Variants in VDR observed in about 807,000 individuals in gnomAD.
VDR encodes the protein vitamin D receptor.
VDR carries 19 observed loss-of-function variants against 39.7 expected under a neutral mutation model. That is an observed-to-expected ratio of 0.48 (90% CI 0.33 to 0.70). The LOEUF is 0.70. Ranked by LOEUF, VDR falls within the 30% of genes least tolerant of loss-of-function variation. The pLI, the probability that VDR is intolerant of heterozygous loss-of-function variation, is 0.02. For missense variants in VDR, 442 were observed against 570.5 expected (o/e 0.77, Z 2.29); for synonymous variants, 242 against 215.8 (o/e 1.12, Z -1.07).
Position 47,904,809 on chromosome 12 carries a change from G to C in VDR, c.-84+146C>G, listed in dbSNP as rs950554524. On this transcript the variant is annotated intron_variant, in intron 1 of 9. Coordinates refer to ENST00000549336, the MANE Select transcript of VDR (RefSeq NM_000376.3). ...CCTTAGTGTCCCAGCCTCATGGCAC[G>C]ACAGCCCGGACCTCAGTAGCCAAGT... The C allele has an allele frequency of 3.6e-4, 201 of 556,296 alleles. No homozygotes were observed. In the Middle Eastern group the frequency reaches 3.8e-3, roughly 11 times the overall value. The allele number at this position is 556,296 out of a possible 1,614,324, so 34.5% of individuals were successfully genotyped here.
chr12:47,887,968 AG>A (rs1208499709), intron 1 of VDR, among the ~76,000 whole-genome samples: 1 of 152,228 alleles, frequency 6.6e-6, no homozygotes, highest in Non-Finnish European at 1.5e-5. Flanking sequence ...CACCCCCTGC[AG>A]TATCAGGGTG....
chr12:47,878,430 C>G (rs1328830807), intron 3 of VDR, among the ~76,000 whole-genome samples: 1 of 152,190 alleles, frequency 6.6e-6, no homozygotes, highest in African/African-American at 2.4e-5. Context: ...ACATTCCTGA[C>G]ACTGCCTGGA....
At chr12:47,864,793 G>A (rs1354860184) in intron 4 of VDR, among the ~76,000 whole-genome samples, 1 of 152,212 alleles carries the variant, frequency 6.6e-6, no homozygotes, top group Non-Finnish European at 1.5e-5. Context: ...CCCCACTCTG[G>A]AGGGACCCTT....
chr12:47,860,023 C>T (rs1945594956), intron 4 of VDR, among the ~76,000 whole-genome samples: 1 of 150,962 alleles, frequency 6.6e-6, no homozygotes, highest in Non-Finnish European at 1.5e-5. Flanking sequence ...AGTGCAGTGG[C>T]ACCACCTCGG....
intron 3 of VDR, among the ~76,000 whole-genome samples, chr12:47,872,996 A>G (rs1159472982): frequency 6.6e-6 from 1 of 152,226 alleles, no homozygotes; most frequent in Non-Finnish European, 1.5e-5. Flanking sequence ...CAAGTCTGAA[A>G]GCTGGAATTA....
intron 1 of VDR, among the ~76,000 whole-genome samples, chr12:47,893,058 G>T (rs906661096): frequency 6.6e-6 from 1 of 152,190 alleles, no homozygotes. Context: ...AGGAAGAGAC[G>T]TAATAACTGG....
At position 47,841,990 on chromosome 12, in the gene VDR, T is replaced by C. The variant is rs1020612141; in HGVS notation, c.*2756A>G. 6.6e-6 allele frequency: 1 copy of C among 152,416 alleles called. No homozygotes were observed. The highest frequency in any genetic ancestry group is 2.4e-5 in the African/African-American group (1 of 41,472). The allele number at this position is 152,416 out of a possible 1,614,324, so 9.4% of individuals were successfully genotyped here. A position where few individuals can be genotyped will look rare whatever the true frequency, so the allele number is the denominator to read the frequency against. ...CCGTTCAGCCCCATAAAAACTCATT[T>C]TCCCCTCTTTTCTTTTCCTCCCAGC... is the stretch of plus-strand genomic sequence containing the variant. On this transcript the variant is annotated 3_prime_UTR_variant, in exon 10 of 10. Coordinates refer to ENST00000549336, the MANE Select transcript of VDR (RefSeq NM_000376.3).
At chr12:47,884,115 C>A (rs1946211603) in intron 1 of VDR, among the ~76,000 whole-genome samples, 1 of 152,130 alleles carries the variant, frequency 6.6e-6, no homozygotes, top group South Asian at 2.1e-4. Context: ...ATTCCTCAGG[C>A]TCCTTTCCTG....
chr12:47,869,341 T>C (rs1040685189), intron 3 of VDR, among the ~76,000 whole-genome samples: 17 of 150,958 alleles, frequency 1.1e-4, no homozygotes, highest in Non-Finnish European at 1.6e-4. Context: ...TCGAGACCAT[T>C]GTGGCTAACA....
intron 3 of VDR, 113 bp downstream of exon 3, chr12:47,878,855 T>C: frequency 2.6e-6 from 4 of 1,560,578 alleles, no homozygotes; most frequent in Non-Finnish European, 3.5e-6. Context: ...CGCCGCATGT[T>C]CCATGGACAT....
intron 6 of VDR, among the ~76,000 whole-genome samples, chr12:47,856,072 A>G (rs1239989748): frequency 1.3e-5 from 2 of 152,264 alleles, no homozygotes; most frequent in Non-Finnish European, 2.9e-5. Flanking sequence ...ATGGATCTCA[A>G]TCAAGAAAGA....
chr12:47,859,432 C>T (rs893165072), intron 4 of VDR, among the ~76,000 whole-genome samples: 3 of 152,224 alleles, frequency 2.0e-5, no homozygotes, highest in African/African-American at 7.2e-5. Flanking sequence ...GGCATTGCTG[C>T]TGGCCTGGGA....
At chr12:47,860,568 C>T (rs916921111) in intron 4 of VDR, among the ~76,000 whole-genome samples, 13 of 152,200 alleles carry the variant, frequency 8.5e-5, no homozygotes, top group Admixed American at 4.6e-4. Context: ...ACACTTTTAA[C>T]GTCATATAAC....
At chr12:47,887,069 C>T (rs997283977) in intron 1 of VDR, among the ~76,000 whole-genome samples, 5 of 151,890 alleles carry the variant, frequency 3.3e-5, no homozygotes, top group African/African-American at 9.7e-5. Flanking sequence ...CCCAGCACTT[C>T]GGGAGGCCAA....
chr12:47,874,744 C>G (rs548999798), intron 3 of VDR, among the ~76,000 whole-genome samples: 2 of 152,332 alleles, frequency 1.3e-5, no homozygotes, highest in Non-Finnish European at 2.9e-5. Context: ...TCATTCTCTT[C>G]ATCAAAGGGG....
chr12:47,878,210 T>TTCTC (rs146997322), intron 3 of VDR, among the ~76,000 whole-genome samples: 17 of 151,692 alleles, frequency 1.1e-4, no homozygotes, highest in Non-Finnish European at 5.9e-5. Flanking sequence ...TTTCAGGCTA[T>TTCTC]TCTCTCTCTC....
At chr12:47,869,478 G>C (rs558071072) in intron 3 of VDR, among the ~76,000 whole-genome samples, 25 of 141,258 alleles carry the variant, frequency 1.8e-4, no homozygotes, top group Non-Finnish European at 3.3e-4. Context: ...GGAGCTTGCA[G>C]TGAGCTGAGA....
chr12:47,858,209 CTT>C (rs1434465252), intron 4 of VDR, among the ~76,000 whole-genome samples: 1 of 152,194 alleles, frequency 6.6e-6, no homozygotes, highest in African/African-American at 2.4e-5. Flanking sequence ...GTTCTCTTCT[CTT>C]CCCTACCCTG....
rs1945194583 is a variant in VDR, at chr12:47,842,654, TA to T, written c.*2091del. 1 of 136,866 alleles carries T rather than the reference TA, an allele frequency of 7.3e-6. No individual in the cohort carries two copies. The highest frequency in any genetic ancestry group is 1.6e-5 in the Non-Finnish European group (1 of 64,038). The allele number at this position is 136,866 out of a possible 1,614,324, so 8.5% of individuals were successfully genotyped here. A position where few individuals can be genotyped will look rare whatever the true frequency, so the allele number is the denominator to read the frequency against. On this transcript the variant is annotated 3_prime_UTR_variant, in exon 10 of 10. Coordinates refer to ENST00000549336, the MANE Select transcript of VDR (RefSeq NM_000376.3). ...TTTTTTTTTTTTTTTGTATTTTTAA[TA>T]GAGACAGGGTTTCTCCATGTTGGTC...
Sources: gnomAD v4.1 joint callset for allele counts (sites outside exome capture counted in the v4.1 genomes callset) on GRCh38, gnomAD v4.1.1 for gene constraint, MANE v1.5 for transcripts, NCBI Gene and HGNC (gene_info 2026-07-23, HGNC 2026-07-21) for gene names.